The following DNAH8 variants were observed in gnomAD, a reference collection of about 807,000 sequenced individuals.
The protein encoded by DNAH8 is dynein axonemal heavy chain 8.
In DNAH8, 382 loss-of-function variants were observed where a neutral mutation model predicts 562.1. The observed-to-expected ratio is 0.68, with a 90% CI of 0.63 to 0.74. The LOEUF (loss-of-function observed/expected upper bound fraction) is 0.74, where lower values mean the gene tolerates loss of function less well. Ranked by LOEUF, DNAH8 falls within the 30% of genes least tolerant of loss-of-function variation. The pLI is 0.00. For missense variants in DNAH8, 5,203 were observed against 5,620.4 expected (o/e 0.93, Z 2.37); for synonymous variants, 1,881 against 1,919.4 (o/e 0.98, Z 0.52).
At chr6:38,994,500 A>AT (rs33926161) in intron 88 of DNAH8, among the ~76,000 whole-genome samples, 41,720 of 145,284 alleles carry the variant, frequency 0.29, 6,086 homozygotes, top group Middle Eastern at 0.38. Flanking sequence ...AATCATCTAC[A>AT]TTTTTTTTTT....
chr6:38,830,754 A>C (rs567077655), intron 30 of DNAH8, among the ~76,000 whole-genome samples: 1 of 152,312 alleles, frequency 6.6e-6, no homozygotes, highest in Admixed American at 6.5e-5. Context: ...ATTTATGGAA[A>C]TATTTGTCAC....
chr6:38,921,256 A>T (rs1781681747), intron 70 of DNAH8, 113 bp from the exon 71 acceptor site: 1 of 1,225,184 alleles, frequency 8.2e-7, no homozygotes, highest in Admixed American at 2.5e-5. Flanking sequence ...ACGGAAACAG[A>T]TGTGCTCGAA....
chr6:38,848,557 A>C, intron 36 of DNAH8, 91 bp from the exon 37 acceptor site: 1 of 1,037,068 alleles, frequency 9.6e-7, no homozygotes, highest in Non-Finnish European at 1.4e-6. Context: ...TCATTCCCAA[A>C]GTAATATTTC....
intron 88 of DNAH8, among the ~76,000 whole-genome samples, chr6:39,004,643 T>G (rs1363350554): frequency 6.6e-6 from 1 of 152,226 alleles, no homozygotes; most frequent in Non-Finnish European, 1.5e-5. Flanking sequence ...TATAACGTTA[T>G]AAGATTTCCA....
At chr6:38,734,355 C>G (rs997566736) in intron 4 of DNAH8, 119 bp from the exon 5 acceptor site, 3 of 924,030 alleles carry the variant, frequency 3.2e-6, no homozygotes, top group Non-Finnish European at 4.3e-6. Context: ...ATTCTATGAC[C>G]GTATTGAAAA....
intron 7 of DNAH8, among the ~76,000 whole-genome samples, chr6:38,739,560 A>C (rs1162619681): frequency 1.3e-5 from 2 of 152,126 alleles, no homozygotes; most frequent in African/African-American, 4.8e-5. Flanking sequence ...TAATCCCAGC[A>C]CTTTGGGAGC....
At chr6:38,989,662 G>A (rs545145485) in intron 87 of DNAH8, among the ~76,000 whole-genome samples, 6 of 152,280 alleles carry the variant, frequency 3.9e-5, no homozygotes, top group African/African-American at 1.4e-4. Context: ...ATTCTCTTGT[G>A]TGTGGGAGTA....
intron 57 of DNAH8, among the ~76,000 whole-genome samples, chr6:38,888,966 G>A (rs1173157221): frequency 5.3e-5 from 8 of 152,140 alleles, no homozygotes; most frequent in Admixed American, 3.3e-4. Context: ...CATCATACAA[G>A]TATTCTTTTA....
At chr6:38,956,687 A>C (rs1023595721) in intron 82 of DNAH8, among the ~76,000 whole-genome samples, 4 of 152,174 alleles carry the variant, frequency 2.6e-5, no homozygotes, top group African/African-American at 7.2e-5. Flanking sequence ...AACAAAACAA[A>C]ACAAAACAAC....
intron 30 of DNAH8, among the ~76,000 whole-genome samples, chr6:38,829,013 C>A (rs769212941): frequency 6.6e-6 from 1 of 152,108 alleles, no homozygotes; most frequent in African/African-American, 2.4e-5. Context: ...TTGATTCTTT[C>A]ATTTAACATA....
In DNAH8 at chr6:38,783,050, G is replaced by A. The variant is rs768782343; in HGVS notation, c.2306G>A (p.Arg769His). 11 of 1,613,596 alleles carry A rather than the reference G, an allele frequency of 6.8e-6. No homozygotes were observed. Among genetic ancestry groups the A allele is most frequent in the East Asian group, 2.2e-5 (1 of 44,878 alleles). The change falls in exon 17 of 93, where the codon CGT becomes CAT. Residue 769 changes from arginine to histidine, a missense_variant. Arg to His is a conservative substitution (Grantham distance 29, BLOSUM62 0). Transcript: ENST00000327475. ...AGTCCGGACGGTAAAGCTGTCATCC[G>A]TCAGTATAACAAGATCTCCTATGTG... The part of the protein sequence containing the change: ...LSSPDGKAVI[R>H]QYNKISYVLV...
chr6:38,799,584 A>G (rs908314780), intron 21 of DNAH8, among the ~76,000 whole-genome samples: 3 of 152,186 alleles, frequency 2.0e-5, no homozygotes, highest in African/African-American at 7.2e-5. Context: ...GGCACAAATT[A>G]TTATTTTTTA....
Position 38,772,249 on chromosome 6 carries a change from C to T in DNAH8, c.1764+1690C>T, listed in dbSNP as rs528250608. Among the ~76,000 whole-genome samples the T allele has an allele frequency of 3.9e-5, 6 of 152,062 alleles. 1 individual carries two copies. The highest frequency in any genetic ancestry group is 3.3e-4 in the Admixed American group (5 of 15,266). Reference sequence around the variant, plus strand: ...TTCACCGTGTTAACCAGGATGGTCTCGATCCTCTGACCTTGTGATCCACCC... The same window carrying T: ...TTCACCGTGTTAACCAGGATGGTCTTGATCCTCTGACCTTGTGATCCACCC... On this transcript the variant is annotated intron_variant, in intron 12 of 92. Transcript: ENST00000327475.
At chr6:38,772,313 C>T (rs1767657343) in intron 12 of DNAH8, among the ~76,000 whole-genome samples, 1 of 152,168 alleles carries the variant, frequency 6.6e-6, no homozygotes, top group African/African-American at 2.4e-5. Flanking sequence ...CAGGCATGAG[C>T]CACCACGCCC....
In DNAH8 at chr6:38,723,149, C is replaced by G. The variant is rs542057474; in HGVS notation, c.340C>G (p.Arg114Gly). Residue 114 changes from arginine to glycine, a missense_variant, in exon 2 of 93, where the codon CGG (arginine) becomes GGG (glycine). This residue lies in a region of DNAH8 where 556 missense variants were observed against 496.9 expected (regional missense o/e 1.12). Coordinates refer to ENST00000327475, the MANE Select transcript of DNAH8 (RefSeq NM_001206927.2). Reference protein sequence around the residue: ...PSSRRSSRYRRSMSGLPNLQE... With the variant: ...PSSRRSSRYRGSMSGLPNLQE... ...TTCCCGGAGGTCCTCCAGATACCGC[C>G]GGAGTATGAGTGGCCTTCCCAATCT... The G allele has an allele frequency of 4.3e-6, 7 of 1,612,470 alleles. No individual in the cohort carries two copies. In the South Asian group the frequency reaches 7.7e-5, roughly 18 times the overall value.
chr6:38,817,518 G>A (rs896149806), intron 26 of DNAH8, among the ~76,000 whole-genome samples: 1 of 152,144 alleles, frequency 6.6e-6, no homozygotes, highest in African/African-American at 2.4e-5. Flanking sequence ...TCTCAGGACT[G>A]GTCTATCTGA....
In DNAH8 at chr6:38,926,069, G is replaced by A. The variant is rs1173918831; in HGVS notation, c.10977G>A (p.Gly3659=). The A allele has an allele frequency of 6.2e-7, 1 of 1,613,308 alleles. No individual in the cohort carries two copies. The highest frequency in any genetic ancestry group is 8.5e-7 in the Non-Finnish European group (1 of 1,179,646). The part of the protein sequence containing the change: ...LVDPPTIGEW[G]LQGLPGDDLS... ...CTGTTGTTCAGATTGGTGAGTGGGG[G>A]CTACAGGGATTACCAGGAGATGATC... is the stretch of plus-strand genomic sequence containing the variant. Residue 3659 remains glycine (G), a synonymous_variant, in exon 74 of 93, where the codon GGG becomes GGA. Transcript: ENST00000327475.
At chr6:38,897,940 T>C (rs1388848693) in intron 60 of DNAH8, among the ~76,000 whole-genome samples, 1 of 152,168 alleles carries the variant, frequency 6.6e-6, no homozygotes, top group Non-Finnish European at 1.5e-5. Context: ...TTTTGAAAGC[T>C]GCAAACAATA....
intron 81 of DNAH8, among the ~76,000 whole-genome samples, chr6:38,950,949 A>G (rs898010109): frequency 1.1e-4 from 17 of 152,070 alleles, no homozygotes; most frequent in Non-Finnish European, 2.2e-4. Context: ...CACAAATGGT[A>G]TGCCACAAAT....
Sources: allele counts gnomAD v4.1 joint callset (sites outside exome capture counted in the v4.1 genomes callset), GRCh38; gene constraint gnomAD v4.1.1; regional missense constraint gnomAD v4.1.1; transcripts MANE v1.5; gene names NCBI Gene and HGNC (gene_info 2026-07-23, HGNC 2026-07-21).